PARP15: variants seen among roughly 807,000 people sequenced by gnomAD.
The protein encoded by PARP15 is poly(ADP-ribose) polymerase family member 15, also known as protein mono-ADP-ribosyltransferase PARP15.
A neutral mutation model predicts 62.1 loss-of-function variants in PARP15; 50 were observed. The ratio of observed to expected loss-of-function variants is 0.81; its 90% confidence interval spans 0.64 to 1.02. The LOEUF is 1.02. Ranked by LOEUF, PARP15 falls within the 50% of genes least tolerant of loss-of-function variation. PARP15 has a pLI of 0.00. For missense variants in PARP15, 820 were observed against 826.5 expected (o/e 0.99, Z 0.10); for synonymous variants, 309 against 293.1 (o/e 1.05, Z -0.55).
At chr3:122,582,661 G>A (rs938564552) in intron 1 of PARP15, among the ~76,000 whole-genome samples, 1 of 152,076 alleles carries the variant, frequency 6.6e-6, no homozygotes, top group Non-Finnish European at 1.5e-5. Context: ...GTGTCTAGGT[G>A]TAGTTTTTCT....
At chr3:122,612,918 C>T in intron 3 of PARP15, 123 bp from the exon 4 acceptor site, 1 of 811,256 alleles carries the variant, frequency 1.2e-6, no homozygotes, top group Non-Finnish European at 2.0e-6. Flanking sequence ...TTTCTGACTT[C>T]TCAGGCCCTG....
In PARP15 at chr3:122,617,070, T is replaced by C; in HGVS notation, c.906T>C (p.Gly302=). ...TCACAGCATATGAAATGAAAATCGG[T>C]GCAATTACTTTTCAGGTTGCTACTG... ...PCFTAYEMKI[G]AITFQVATGD... Residue 302 remains glycine (G), a synonymous_variant, in exon 6 of 12, where the codon GGT becomes GGC. Transcript: ENST00000464300. 1 of 1,614,138 alleles carries C rather than the reference T, an allele frequency of 6.2e-7. No homozygotes were observed. The highest frequency in any genetic ancestry group is 1.1e-5 in the South Asian group (1 of 91,080).
chr3:122,592,092 A>G (rs925698939), intron 1 of PARP15, among the ~76,000 whole-genome samples: 7 of 152,250 alleles, frequency 4.6e-5, no homozygotes, highest in Non-Finnish European at 7.3e-5. Context: ...ATTACTGGGT[A>G]TGTATCCAAA....
chr3:122,633,118 A>G (rs1003660112), intron 10 of PARP15, among the ~76,000 whole-genome samples: 3 of 152,194 alleles, frequency 2.0e-5, no homozygotes, highest in African/African-American at 7.2e-5. Flanking sequence ...CTTTGTAACT[A>G]TGTACTTACA....
At position 122,615,874 on chromosome 3, in the gene PARP15, C is replaced by T. The variant is rs1935932114; in HGVS notation, c.850+17C>T. On this transcript the variant is annotated intron_variant, in intron 5 of 11. Transcript: ENST00000464300. ...ATACCCAAGGTCTGGTAAAGTCGTT[C>T]TGCTAAGGAAATATTTCCTTTTGCT... The T allele has an allele frequency of 1.9e-6, 3 of 1,599,988 alleles. No homozygotes were observed. Among genetic ancestry groups the T allele is most frequent in the Non-Finnish European group, 2.6e-6 (3 of 1,168,434 alleles).
At chr3:122,623,678 T>C (rs1936495567) in intron 8 of PARP15, among the ~76,000 whole-genome samples, 1 of 152,178 alleles carries the variant, frequency 6.6e-6, no homozygotes, top group Non-Finnish European at 1.5e-5. Context: ...CATTGTGAGA[T>C]CCTCAAAAGG....
At chr3:122,623,420 A>G (rs1936477028) in intron 8 of PARP15, among the ~76,000 whole-genome samples, 1 of 152,208 alleles carries the variant, frequency 6.6e-6, no homozygotes, top group African/African-American at 2.4e-5. Context: ...GTTCAGCCAC[A>G]TAGTGGGAAG....
At position 122,635,986 on chromosome 3, in the gene PARP15, C is replaced by T. The variant is rs533086355; in HGVS notation, c.1923C>T (p.His641=). Residue 641 remains histidine, a synonymous_variant, in exon 12 of 12, where the codon CAC becomes CAT. Coordinates refer to ENST00000464300, the MANE Select transcript of PARP15 (RefSeq NM_001113523.3). ...TCACCCCTCCACCCAAGAATCCTCACAATCCCACAGATCTCTTTGACTCAG... is the reference window on the plus strand; with the variant it reads ...TCACCCCTCCACCCAAGAATCCTCATAATCCCACAGATCTCTTTGACTCAG... The part of the protein sequence containing the change: ...GLVTPPPKNP[H]NPTDLFDSVT... 1.2e-6 allele frequency: 2 copies of T among 1,614,022 alleles called. No individual in the cohort carries two copies. Among genetic ancestry groups the T allele is most frequent in the African/African-American group, 2.7e-5 (2 of 74,914 alleles).
intron 1 of PARP15, among the ~76,000 whole-genome samples, chr3:122,587,710 G>A (rs1243788216): frequency 6.6e-6 from 1 of 151,936 alleles, no homozygotes; most frequent in Non-Finnish European, 1.5e-5. Context: ...TTTTTGTAGA[G>A]ATGAGGTCTC....
intron 10 of PARP15, among the ~76,000 whole-genome samples, 178 bp downstream of exon 10, chr3:122,632,397 AG>A: frequency 6.6e-6 from 1 of 152,248 alleles, no homozygotes; most frequent in Non-Finnish European, 1.5e-5. Flanking sequence ...GCAGTAATGA[AG>A]GAGATTCCAA....
At chr3:122,612,857 G>A (rs1935671544) in intron 3 of PARP15, among the ~76,000 whole-genome samples, 184 bp from the exon 4 acceptor site, 1 of 152,090 alleles carries the variant, frequency 6.6e-6, no homozygotes, top group African/African-American at 2.4e-5. Flanking sequence ...CGCCTCTCCT[G>A]AATGAGTGTG....
At chr3:122,592,398 A>T (rs1246099696) in intron 1 of PARP15, among the ~76,000 whole-genome samples, 1 of 152,102 alleles carries the variant, frequency 6.6e-6, no homozygotes, top group Non-Finnish European at 1.5e-5. Flanking sequence ...GTGAGAACAC[A>T]TGAATACAGG....
intron 1 of PARP15, among the ~76,000 whole-genome samples, chr3:122,586,815 A>C (rs1202724714): frequency 2.6e-5 from 4 of 151,948 alleles, no homozygotes; most frequent in Non-Finnish European, 5.9e-5. Context: ...TTATCACCCA[A>C]AGCCCCTAGT....
Position 122,610,709 on chromosome 3 carries a change from T to A in PARP15, c.522T>A (p.Asn174Lys). 9 of 1,529,720 alleles carry A rather than the reference T, an allele frequency of 5.9e-6. No homozygotes were observed. The highest frequency in any genetic ancestry group is 7.9e-6 in the Non-Finnish European group (9 of 1,136,922). 94.8% of individuals were successfully genotyped at this position (1,529,720 alleles called of 1,614,324 possible). A position where few individuals can be genotyped will look rare whatever the true frequency, so the allele number is the denominator to read the frequency against. ...VLHAVAPYWN[N>K]GAETSWQIMA... ...ATGCTGTGGCTCCATACTGGAATAA[T>A]GGAGCAGAGACTTCTTGGCAGGTAG... is the stretch of plus-strand genomic sequence containing the variant. The change falls in exon 3 of 12, where the codon AAT becomes AAA. Residue 174 changes from asparagine (N) to lysine (K), a missense_variant. By Grantham distance (94) the Asn-to-Lys change is moderately conservative (BLOSUM62 0). Transcript: ENST00000464300.
At chr3:122,593,627 A>G (rs567955647) in intron 1 of PARP15, among the ~76,000 whole-genome samples, 1 of 152,324 alleles carries the variant, frequency 6.6e-6, no homozygotes, top group East Asian at 1.9e-4. Context: ...AGATAAAATG[A>G]TACTAATGTA....
At position 122,580,166 on chromosome 3, in the gene PARP15, A is replaced by G. The variant is rs1254215646; in HGVS notation, c.186+2313A>G. 2.6e-5 allele frequency among the ~76,000 whole-genome samples: 4 copies of G among 151,274 alleles called. 1 individual carries two copies. Among genetic ancestry groups the G allele is most frequent in the Admixed American group, 2.6e-4 (4 of 15,174 alleles). ...TGGATAGAGTGTTCTATAAATGTCA[A>G]TTAGGTGGAGTTGGTTGTTGTTCAA... On this transcript the variant is annotated intron_variant, in intron 1 of 11. Transcript: ENST00000464300.
chr3:122,581,858 T>C (rs915506810), intron 1 of PARP15, among the ~76,000 whole-genome samples: 2 of 152,242 alleles, frequency 1.3e-5, no homozygotes, highest in African/African-American at 4.8e-5. Flanking sequence ...TTGTTCTATA[T>C]GTCTTCTTTA....
chr3:122,606,173 A>G, intron 2 of PARP15, 118 bp downstream of exon 2: 1 of 1,276,530 alleles, frequency 7.8e-7, no homozygotes, highest in South Asian at 1.6e-5. Context: ...AAGATATCAA[A>G]GATAAATTTG....
At chr3:122,628,297 G>A (rs1936857802) in intron 9 of PARP15, among the ~76,000 whole-genome samples, 1 of 152,156 alleles carries the variant, frequency 6.6e-6, no homozygotes, top group South Asian at 2.1e-4. Context: ...GAATTACACT[G>A]GCCAAGCCAG....
Sources: gnomAD v4.1 joint callset for allele counts (sites outside exome capture counted in the v4.1 genomes callset) on GRCh38, gnomAD v4.1.1 for gene constraint, MANE v1.5 for transcripts, NCBI Gene and HGNC (gene_info 2026-07-23, HGNC 2026-07-21) for gene names.